Variants in SYN1 observed in about 807,000 individuals in gnomAD.
SYN1 encodes synapsin I, also known as synapsin-1.
In SYN1, 8 loss-of-function variants were observed where a neutral mutation model predicts 44.6. That is an observed-to-expected ratio of 0.18 (90% confidence interval 0.11 to 0.32). SYN1 has a LOEUF of 0.32. SYN1 is among the 10% of genes least tolerant of loss of function. The pLI is 1.00. For synonymous variants in SYN1, 275 were observed against 280.1 expected (o/e 0.98, Z 0.18); for missense variants, 451 against 639.4 (o/e 0.71, Z 3.18).
At chrX:47,609,853 AG>A (rs1438052541) in intron 1 of SYN1, among the ~76,000 whole-genome samples, 1 of 111,737 alleles carries the variant, frequency 8.9e-6, no homozygotes, top group African/African-American at 3.3e-5. Flanking sequence ...TTCTTCTCCC[AG>A]GTGGGAGAAT....
chrX:47,576,696 G>A, intron 6 of SYN1, 56 bp from the exon 7 acceptor site: 2 of 1,199,152 alleles, frequency 1.7e-6, no homozygotes, highest in Non-Finnish European at 1.1e-6. Flanking sequence ...GCTGTGGGGA[G>A]TGGGGGTGCC....
rs1225267467 is a variant in SYN1, at chrX:47,606,293, TTC to T, written c.527+650_527+651del. On this transcript the variant is annotated intron_variant, in intron 3 of 12. Coordinates refer to ENST00000295987, the MANE Select transcript of SYN1 (RefSeq NM_006950.3). ...AAGTTTCATAAGGCCCAGGTTCTTT[TTC>T]TTTTTTTTTTTTTGGCCTTTCAGCA... Among the ~76,000 whole-genome samples, 55 of 88,448 alleles carry T rather than the reference TTC, an allele frequency of 6.2e-4. No individual in the cohort carries two copies. In the East Asian group the frequency reaches 0.014, roughly 23 times the overall value. The allele number at this position is 88,448 out of a possible 115,157, so 76.8% of individuals were successfully genotyped here.
At chrX:47,610,150 A>G (rs1020784987) in intron 1 of SYN1, among the ~76,000 whole-genome samples, 5 of 111,800 alleles carry the variant, frequency 4.5e-5, no homozygotes, top group African/African-American at 1.3e-4. Context: ...GAGGGCAGAC[A>G]GAAGGGAGGG....
At chrX:47,606,749 A>ATTTT (rs1449578745) in intron 3 of SYN1, among the ~76,000 whole-genome samples, 196 bp downstream of exon 3, 73 of 98,938 alleles carry the variant, frequency 7.4e-4, no homozygotes, top group African/African-American at 2.9e-3. Flanking sequence ...ATATATATAT[A>ATTTT]TATTTTTTTT....
At chrX:47,576,700 G>A (rs1002261182) in intron 6 of SYN1, 60 bp from the exon 7 acceptor site, 10 of 1,186,132 alleles carry the variant, frequency 8.4e-6, no homozygotes, top group Non-Finnish European at 1.1e-6. Context: ...TGGGGAGTGG[G>A]GGTGCCTGGG....
At chrX:47,618,920 C>T (rs905151670) in intron 1 of SYN1, among the ~76,000 whole-genome samples, 1 of 111,294 alleles carries the variant, frequency 9.0e-6, no homozygotes, top group Non-Finnish European at 1.9e-5. Context: ...GCTCACAAAC[C>T]TCATTGAAAT....
chrX:47,598,061 C>T (rs978233245), intron 5 of SYN1, among the ~76,000 whole-genome samples: 2 of 112,389 alleles, frequency 1.8e-5, no homozygotes, highest in African/African-American at 6.5e-5. Context: ...TAAAATGATA[C>T]TAGCTAGTAA....
intron 5 of SYN1, among the ~76,000 whole-genome samples, chrX:47,603,918 T>A (rs2057887673): frequency 2.9e-5 from 3 of 102,790 alleles, no homozygotes; most frequent in African/African-American, 1.1e-4. Flanking sequence ...TTTTTTTTTT[T>A]TTTTTTGAGA....
Position 47,617,414 on chromosome X carries a change from T to A in SYN1, c.377+1938A>T, listed in dbSNP as rs781372851. Among the ~76,000 whole-genome samples the A allele has an allele frequency of 2.7e-5, 3 of 111,659 alleles. No homozygotes were observed. In the East Asian group the frequency reaches 8.4e-4, roughly 31 times the overall value. ...AAGTAAATAGTAAATTTAGTAAATT[T>A]ACTAAATTTATTTAGTAAATTAAGT... is the stretch of plus-strand genomic sequence containing the variant. On this transcript the variant is annotated intron_variant, in intron 1 of 12. Transcript: ENST00000295987.
intron 5 of SYN1, chrX:47,604,674 G>A (rs1193952702): frequency 3.3e-6 from 1 of 301,293 alleles, no homozygotes; most frequent in Non-Finnish European, 5.9e-6. Context: ...ATTTCTATAT[G>A]TAATATATTC....
intron 1 of SYN1, among the ~76,000 whole-genome samples, chrX:47,616,154 T>C (rs2057930610): frequency 3.6e-5 from 4 of 111,156 alleles, no homozygotes; most frequent in African/African-American, 1.3e-4. Flanking sequence ...GTAAAACAGG[T>C]CTCTGTTCCC....
rs750169978 is a variant in SYN1, at chrX:47,619,423, G to A, written c.306C>T (p.Gly102=). Residue 102 remains glycine (G), a synonymous_variant, in exon 1 of 13, where the codon GGC becomes GGT. Coordinates refer to ENST00000295987, the MANE Select transcript of SYN1 (RefSeq NM_006950.3). ...CTCCCCCGCGGCCTGCGCCCCCAGA[G>A]CCGCCGCCCACCTGCTCGCTGAAGG... ...AATFSEQVGG[G]SGGAGRGGAA... 3 of 1,191,549 alleles carry A rather than the reference G, an allele frequency of 2.5e-6. No individual in the cohort carries two copies. The highest frequency in any genetic ancestry group is 1.7e-5 in the African/African-American group (1 of 57,568).
intron 5 of SYN1, among the ~76,000 whole-genome samples, chrX:47,598,637 C>T (rs1290614090): frequency 9.0e-6 from 1 of 111,246 alleles, no homozygotes; most frequent in East Asian, 2.8e-4. Flanking sequence ...ACCAGCCTGG[C>T]CAACATGGTG....
intron 1 of SYN1, 112 bp from the exon 2 acceptor site, chrX:47,607,310 C>T (rs1603072100): frequency 1.6e-6 from 1 of 622,471 alleles, no homozygotes; most frequent in South Asian, 2.7e-5. Flanking sequence ...CCACAAAGTG[C>T]CTTATAATTA....
chrX:47,589,829 C>G (rs755102534), intron 5 of SYN1: 1 of 108,270 alleles, frequency 9.2e-6, no homozygotes, highest in South Asian at 4.0e-4. Flanking sequence ...GCATATAGCA[C>G]TTACAAGCAT....
At chrX:47,582,615 G>C (rs769432782) in intron 5 of SYN1, 12 of 357,040 alleles carry the variant, frequency 3.4e-5, no homozygotes, top group South Asian at 2.6e-4. Context: ...GGCTAGTCTA[G>C]GGGGAAGAGG....
rs1171134481 is a variant in SYN1, at chrX:47,605,350, C to T, written c.557G>A (p.Arg186His). The T allele has an allele frequency of 1.7e-6, 2 of 1,209,457 alleles. No homozygotes were observed. Among genetic ancestry groups the T allele is most frequent in the Admixed American group, 2.2e-5 (1 of 45,712 alleles). Residue 186 changes from arginine to histidine, a missense_variant, in exon 4 of 13, where the codon CGC (arginine) becomes CAC (histidine). This residue lies in a region of SYN1 where 315 missense variants were observed against 451.4 expected (regional missense o/e 0.70). Coordinates refer to ENST00000295987, the MANE Select transcript of SYN1 (RefSeq NM_006950.3). Reference sequence around the variant, plus strand: ...GCGTGCCATGCTGAAGGCGTGCTGGCGGATCAGCACAAAATCCGGCTTCAG... The same window carrying T: ...GCGTGCCATGCTGAAGGCGTGCTGGTGGATCAGCACAAAATCCGGCTTCAG... ...RSLKPDFVLI[R>H]QHAFSMARNG...
rs1372593307 is a variant in SYN1, at chrX:47,574,089, G to T, written c.1895C>A (p.Pro632His). Reference protein sequence around the residue: ...RPSGPGPAGRPKPQLAQKPSQ... With the variant: ...RPSGPGPAGRHKPQLAQKPSQ... ...GGGTTTCTGGGCCAGCTGTGGTTTG[G>T]GACGTCCAGCGGGGCCCGGGCCGCT... The change falls in exon 12 of 13, where the codon CCC becomes CAC. Residue 632 changes from proline (P) to histidine (H), a missense_variant. Coordinates refer to ENST00000295987, the MANE Select transcript of SYN1 (RefSeq NM_006950.3). 8.8e-7 allele frequency: 1 copy of T among 1,139,616 alleles called. No homozygotes were observed. Among genetic ancestry groups the T allele is most frequent in the Non-Finnish European group, 1.2e-6 (1 of 863,508 alleles). The allele number at this position is 1,139,616 out of a possible 1,213,427, so 93.9% of individuals were successfully genotyped here. A position where few individuals can be genotyped will look rare whatever the true frequency, so the allele number is the denominator to read the frequency against.
intron 5 of SYN1, among the ~76,000 whole-genome samples, chrX:47,594,687 C>T (rs2057858607): frequency 5.4e-5 from 6 of 111,023 alleles, no homozygotes; most frequent in Admixed American, 2.9e-4. Context: ...TACAAGATCA[C>T]ACCCTTTTTG....
Sources: gnomAD v4.1 joint callset for allele counts (sites outside exome capture counted in the v4.1 genomes callset) on GRCh38, gnomAD v4.1.1 for gene constraint, gnomAD v4.1.1 regional missense constraint, MANE v1.5 for transcripts, NCBI Gene and HGNC (gene_info 2026-07-23, HGNC 2026-07-21) for gene names.